CABIN1: variants seen among roughly 807,000 people sequenced by gnomAD.
The protein encoded by CABIN1 is calcineurin binding protein 1.
In CABIN1, 133 loss-of-function variants were observed where a neutral mutation model predicts 227.7. The ratio of observed to expected loss-of-function variants is 0.58; its 90% CI spans 0.51 to 0.67. The LOEUF is 0.67. Ranked by LOEUF, CABIN1 falls within the 30% of genes least tolerant of loss-of-function variation. CABIN1 has a pLI of 0.00. For missense variants in CABIN1, 2,408 were observed against 2,852.5 expected (o/e 0.84, Z 3.55); for synonymous variants, 1,086 against 1,155.1 (o/e 0.94, Z 1.21).
chr22:24,153,233 G>A (rs1250042317), intron 29 of CABIN1, among the ~76,000 whole-genome samples: 4 of 152,242 alleles, frequency 2.6e-5, no homozygotes, highest in African/African-American at 4.8e-5. Context: ...CTGCTGGCCT[G>A]TGGGTGAGCA....
chr22:24,016,264 A>C lies in CABIN1; in HGVS notation c.-75+4897A>C, dbSNP rs141119635. On this transcript the variant is annotated intron_variant, in intron 1 of 36. Transcript: ENST00000263119. Reference sequence around the variant, plus strand: ...ATCATACAATATGTGGTATTTTGTTACTGGCTTCTTCCACTTAGGATAATG... The same window carrying C: ...ATCATACAATATGTGGTATTTTGTTCCTGGCTTCTTCCACTTAGGATAATG... 8.3e-4 allele frequency among the ~76,000 whole-genome samples: 126 copies of C among 152,344 alleles called. 1 individual carries two copies. Among genetic ancestry groups the C allele is most frequent in the Middle Eastern group, 3.4e-3 (1 of 294 alleles).
chr22:24,133,219 G>A (rs1181574800), intron 28 of CABIN1, among the ~76,000 whole-genome samples: 1 of 152,200 alleles, frequency 6.6e-6, no homozygotes, highest in African/African-American at 2.4e-5. Context: ...ACAGCATCCC[G>A]GTGGGGGCAG....
In CABIN1 at chr22:24,161,261, G is replaced by C. The variant is rs951640571; in HGVS notation, c.4747-3139G>C. Among the ~76,000 whole-genome samples, 11 of 152,158 alleles carry C rather than the reference G, an allele frequency of 7.2e-5. 1 individual carries two copies. Among genetic ancestry groups the C allele is most frequent in the Admixed American group, 5.9e-4 (9 of 15,276 alleles). ...AGGGGAAGCCTCAAGCACAATCTCA[G>C]TGTCTTTAAGTCCTCTGAGGCTATT... On this transcript the variant is annotated intron_variant, in intron 29 of 36. Transcript: ENST00000263119.
chr22:24,118,430 G>A (rs528468847), intron 27 of CABIN1, among the ~76,000 whole-genome samples: 2 of 152,148 alleles, frequency 1.3e-5, no homozygotes, highest in Admixed American at 6.5e-5. Flanking sequence ...TTGCTGACTC[G>A]GCCCTGCCCC....
chr22:24,152,846 C>T (rs969529736), intron 29 of CABIN1, among the ~76,000 whole-genome samples: 4 of 151,634 alleles, frequency 2.6e-5, no homozygotes, highest in African/African-American at 7.3e-5. Context: ...GCAACTTGGG[C>T]GGCTGAGGCA....
chr22:24,034,852 T>C (rs2036753080), intron 1 of CABIN1, among the ~76,000 whole-genome samples: 1 of 152,222 alleles, frequency 6.6e-6, no homozygotes, highest in South Asian at 2.1e-4. Flanking sequence ...CATTTTGTTC[T>C]CCCTAAAACA....
chr22:24,038,401 C>T lies in CABIN1; in HGVS notation c.150C>T (p.Asp50=), dbSNP rs769515975. The T allele has an allele frequency of 6.2e-7, 1 of 1,614,096 alleles. No individual in the cohort carries two copies. Among genetic ancestry groups the T allele is most frequent in the Non-Finnish European group, 8.5e-7 (1 of 1,179,998 alleles). ...AGGCCCTTGATCTGCAGAAACATGA[C>T]CGGTTTGAGGAGTCTGCCAAAGCCT... ...YHKALDLQKH[D]RFEESAKAYH... The change falls in exon 4 of 37, where the codon GAC becomes GAT. Residue 50 remains aspartate (D), a synonymous_variant. Transcript: ENST00000263119.
chr22:24,039,689 G>A (rs2037213970), intron 4 of CABIN1, among the ~76,000 whole-genome samples: 4 of 152,206 alleles, frequency 2.6e-5, no homozygotes, highest in Admixed American at 2.6e-4. Context: ...TCATGTGTCA[G>A]CCTTTTAGTT....
intron 24 of CABIN1, among the ~76,000 whole-genome samples, chr22:24,095,233 T>G (rs1489408298): frequency 6.6e-6 from 1 of 152,214 alleles, no homozygotes; most frequent in Non-Finnish European, 1.5e-5. Context: ...GCCCTCCAAG[T>G]GGGAGCCTGC....
intron 33 of CABIN1, among the ~76,000 whole-genome samples, 189 bp from the exon 34 acceptor site, chr22:24,171,524 C>T (rs964736887): frequency 1.3e-5 from 2 of 152,224 alleles, no homozygotes; most frequent in African/African-American, 4.8e-5. Flanking sequence ...CAGCAGGATC[C>T]TGATGGGGTG....
In CABIN1 at chr22:24,065,036, C is replaced by T. The variant is rs532666955; in HGVS notation, c.2037+849C>T. Among the ~76,000 whole-genome samples the T allele has an allele frequency of 3.7e-4, 56 of 152,376 alleles. No individual in the cohort carries two copies. In the South Asian group the frequency reaches 0.011, roughly 29 times the overall value. On this transcript the variant is annotated intron_variant, in intron 15 of 36. Transcript: ENST00000263119. ...CGTTCTCAATGAGCTGTTGGGTACACCTCCCAGAGGGGGTGGTGGCCGGGC... is the reference window on the plus strand; with the variant it reads ...CGTTCTCAATGAGCTGTTGGGTACATCTCCCAGAGGGGGTGGTGGCCGGGC...
intron 29 of CABIN1, among the ~76,000 whole-genome samples, chr22:24,143,336 C>T (rs1033550622): frequency 2.0e-5 from 3 of 152,164 alleles, no homozygotes; most frequent in African/African-American, 7.2e-5. Context: ...GCATCTAGCC[C>T]TACCATAGGA....
intron 18 of CABIN1, among the ~76,000 whole-genome samples, chr22:24,075,542 C>T (rs1423705178): frequency 6.6e-6 from 1 of 152,086 alleles, no homozygotes; most frequent in South Asian, 2.1e-4. Context: ...GCCAGGAGTT[C>T]GAGACTAGCT....
rs142974005 is a variant in CABIN1, at chr22:24,108,003, C to A, written c.4118-5563C>A. Among the ~76,000 whole-genome samples, 1,134 of 152,356 alleles carry A rather than the reference C, an allele frequency of 7.4e-3. 5 individuals are homozygous for A. Among genetic ancestry groups the A allele is most frequent in the South Asian group, 0.013 (63 of 4,830 alleles). ...CTGTCTTTCAGAGACTCTGAGGCCT[C>A]ACGAGCATTGTCTAAGCCATCGGTG... On this transcript the variant is annotated intron_variant, in intron 26 of 36. Coordinates refer to ENST00000263119, the MANE Select transcript of CABIN1 (RefSeq NM_012295.4).
At chr22:24,123,802 G>A (rs1024023363) in intron 28 of CABIN1, among the ~76,000 whole-genome samples, 1 of 152,254 alleles carries the variant, frequency 6.6e-6, no homozygotes, top group Non-Finnish European at 1.5e-5. Context: ...TTTGACAGCA[G>A]CACATTTCTT....
intron 15 of CABIN1, among the ~76,000 whole-genome samples, chr22:24,064,462 C>G (rs558866625): frequency 5.3e-5 from 8 of 151,154 alleles, no homozygotes; most frequent in Non-Finnish European, 1.0e-4. Context: ...CTGTCTTGGC[C>G]TCTCGCAGTG....
chr22:24,056,618 A>G (rs1321087637), intron 10 of CABIN1: 4 of 512,420 alleles, frequency 7.8e-6, no homozygotes, highest in Middle Eastern at 1.1e-3. Context: ...CAACATACTC[A>G]TGTCCCTGTG....
chr22:24,053,350 AC>A (rs766646314), intron 8 of CABIN1, among the ~76,000 whole-genome samples: 1 of 150,818 alleles, frequency 6.6e-6, no homozygotes, highest in Non-Finnish European at 1.5e-5. Context: ...TACTGGGATT[AC>A]AGGCGTGAGC....
rs192196859 is a variant in CABIN1 at position 24,034,973 on chromosome 22, T to C, written c.-74-471T>C. 3.2e-3 allele frequency among the ~76,000 whole-genome samples: 481 copies of C among 152,326 alleles called. 22 individuals carry two copies. Among genetic ancestry groups the C allele is most frequent in the Admixed American group, 0.028 (433 of 15,302 alleles). ...ACATCCCTGCTCTAAGGCCTTGTCT[T>C]CTAGTTTTCCCATCACACCTCGCTC... On this transcript the variant is annotated intron_variant, in intron 1 of 36. Coordinates refer to ENST00000263119, the MANE Select transcript of CABIN1 (RefSeq NM_012295.4).
Sources: gnomAD v4.1 joint callset for allele counts (sites outside exome capture counted in the v4.1 genomes callset) on GRCh38, gnomAD v4.1.1 for gene constraint, MANE v1.5 for transcripts, NCBI Gene and HGNC (gene_info 2026-07-23, HGNC 2026-07-21) for gene names.